Variants in RIC8B observed in about 807,000 individuals in gnomAD.
The protein encoded by RIC8B is RIC8 guanine nucleotide exchange factor B.
In RIC8B, 16 loss-of-function variants were observed where a neutral mutation model predicts 57.5. The observed-to-expected ratio is 0.28, with a 90% CI of 0.19 to 0.42. The LOEUF (loss-of-function observed/expected upper bound fraction) is 0.42. Ranked by LOEUF, RIC8B falls within the 10% of genes least tolerant of loss-of-function variation. The pLI is 1.00. For synonymous variants in RIC8B, 216 were observed against 250.8 expected, an observed-to-expected ratio of 0.86 and a Z score of 1.31; for missense variants, 481 against 677.0, an observed-to-expected ratio of 0.71 and a Z score of 3.21.
At chr12:106,781,402 A>G (rs1254904494) in intron 1 of RIC8B, among the ~76,000 whole-genome samples, 1 of 152,190 alleles carries the variant, frequency 6.6e-6, no homozygotes, top group Non-Finnish European at 1.5e-5. Flanking sequence ...AGCCTTAGAA[A>G]GGGGAGAGAA....
At position 106,815,298 on chromosome 12, in the gene RIC8B, T is replaced by C. The variant is rs774689830; in HGVS notation, c.735T>C (p.His245=). Residue 245 remains histidine (H), a synonymous_variant, in exon 3 of 10, where the codon CAT becomes CAC. Transcript: ENST00000392837. Reference sequence around the variant, plus strand: ...TGACGGTAGACAGTTGGAAGGTGCATAAAGAGGTAAGGTAGAGAAGGCTAT... The same window carrying C: ...TGACGGTAGACAGTTGGAAGGTGCACAAAGAGGTAAGGTAGAGAAGGCTAT... The part of the protein sequence containing the change: ...FNVTVDSWKV[H]KESDSHQFRV... 1.2e-6 allele frequency: 2 copies of C among 1,609,086 alleles called. No individual in the cohort carries two copies. Among genetic ancestry groups the C allele is most frequent in the East Asian group, 4.5e-5 (2 of 44,838 alleles).
At chr12:106,798,990 G>A (rs2044611100) in intron 2 of RIC8B, among the ~76,000 whole-genome samples, 3 of 152,098 alleles carry the variant, frequency 2.0e-5, no homozygotes, top group African/African-American at 7.2e-5. Flanking sequence ...TAGACATCTT[G>A]TCACTAAGTT....
chr12:106,834,872 T>A (rs1593252407), intron 4 of RIC8B, among the ~76,000 whole-genome samples: 1 of 148,016 alleles, frequency 6.8e-6, no homozygotes, highest in Non-Finnish European at 1.5e-5. Context: ...TAGTCCCAGG[T>A]ACTTGGGAGG....
chr12:106,884,830 C>G (rs1362197250), intron 9 of RIC8B, among the ~76,000 whole-genome samples: 1 of 152,178 alleles, frequency 6.6e-6, no homozygotes, highest in Non-Finnish European at 1.5e-5. Flanking sequence ...GGAGGGAGCC[C>G]TTCTTTCTGT....
intron 1 of RIC8B, among the ~76,000 whole-genome samples, chr12:106,775,980 C>T (rs1004334877): frequency 1.3e-5 from 2 of 152,172 alleles, no homozygotes; most frequent in African/African-American, 2.4e-5. Context: ...CTTTTCCACC[C>T]GGGGCAGAAA....
chr12:106,819,720 G>T (rs2045751885), intron 3 of RIC8B, among the ~76,000 whole-genome samples: 1 of 147,848 alleles, frequency 6.8e-6, no homozygotes, highest in South Asian at 2.1e-4. Context: ...TTCCCGCCTG[G>T]GTAACAGCGT....
chr12:106,813,807 C>G (rs2045449989), intron 2 of RIC8B, among the ~76,000 whole-genome samples: 1 of 152,116 alleles, frequency 6.6e-6, no homozygotes, highest in Admixed American at 6.5e-5. Context: ...AGTAGTTATA[C>G]CTGCTTGCCT....
intron 3 of RIC8B, chr12:106,823,268 T>C (rs1016596105): frequency 7.2e-6 from 2 of 277,396 alleles, no homozygotes; most frequent in Admixed American, 4.4e-5. Context: ...GAAGATACTT[T>C]AGCTGAAACC....
intron 6 of RIC8B, among the ~76,000 whole-genome samples, chr12:106,847,432 C>A (rs1428801478): frequency 6.6e-6 from 1 of 152,116 alleles, no homozygotes; most frequent in Non-Finnish European, 1.5e-5. Flanking sequence ...ATGTTTCATT[C>A]TTCTAGAAAT....
intron 2 of RIC8B, among the ~76,000 whole-genome samples, chr12:106,795,419 T>A (rs931146804): frequency 6.6e-6 from 1 of 152,136 alleles, no homozygotes; most frequent in Non-Finnish European, 1.5e-5. Flanking sequence ...GAGAGGGGAC[T>A]TCTGAGAGGA....
intron 7 of RIC8B, among the ~76,000 whole-genome samples, chr12:106,853,446 TTATA>T (rs984389541): frequency 5.5e-5 from 8 of 145,028 alleles, no homozygotes; most frequent in Non-Finnish European, 1.2e-4. Flanking sequence ...CAATTCTGCT[TTATA>T]GTCTTTTTTT....
intron 2 of RIC8B, among the ~76,000 whole-genome samples, chr12:106,785,654 T>G (rs2043969095): frequency 6.6e-6 from 1 of 152,122 alleles, no homozygotes; most frequent in African/African-American, 2.4e-5. Context: ...CTAGAATACC[T>G]TTTTAGAACA....
Position 106,868,559 on chromosome 12 carries a change from T to C in RIC8B, c.1452-2264T>C, listed in dbSNP as rs149869608. ...AGCAAATAATGGATGGGTGGTGGAA[T>C]TGTATTTTCAGTGTGGCATCTGGAT... On this transcript the variant is annotated intron_variant, in intron 8 of 9. Transcript: ENST00000392837. 2.7e-4 allele frequency: 77 copies of C among 281,562 alleles called. 1 individual carries two copies. The highest frequency in any genetic ancestry group is 1.6e-3 in the African/African-American group (75 of 45,580). The allele number at this position is 281,562 out of a possible 1,614,324, so 17.4% of individuals were successfully genotyped here. A position where few individuals can be genotyped will look rare whatever the true frequency, so the allele number is the denominator to read the frequency against.
chr12:106,844,644 G>A (rs1340176920), intron 6 of RIC8B, among the ~76,000 whole-genome samples: 1 of 152,146 alleles, frequency 6.6e-6, no homozygotes, highest in Non-Finnish European at 1.5e-5. Flanking sequence ...AGATATCCTG[G>A]CTACTATTTG....
In RIC8B at chr12:106,783,992, C is replaced by T. The variant is rs2043885059; in HGVS notation, c.85-5C>T. The T allele has an allele frequency of 1.2e-6, 2 of 1,611,908 alleles. No individual in the cohort carries two copies. Among genetic ancestry groups the T allele is most frequent in the Non-Finnish European group, 1.7e-6 (2 of 1,179,082 alleles). On this transcript the variant is annotated splice_region_variant and splice_polypyrimidine_tract_variant and intron_variant, in intron 1 of 9. Transcript: ENST00000392837. ...ATGACATTGTTTCCCTTTTTTCCCC[C>T]TCAGCATAGGGCTACTTTCAAATTT...
At position 106,814,786 on chromosome 12, in the gene RIC8B, A is replaced by G; in HGVS notation, c.223A>G (p.Arg75Gly). ...SCLEVLRILS[R>G]DKKVLVPVTT... ...CCTGGAAGTACTCCGCATTCTCTCC[A>G]GAGACAAAAAGGTTTTAGTTCCTGT... is the stretch of plus-strand genomic sequence containing the variant. Residue 75 changes from arginine (R) to glycine (G), a missense_variant, in exon 3 of 10, where the codon AGA becomes GGA. Around this residue, in one of 3 missense-constraint regions of RIC8B, gnomAD observed 421 missense variants for 560.9 expected, o/e 0.75. Transcript: ENST00000392837. The G allele has an allele frequency of 6.2e-7, 1 of 1,614,246 alleles. No homozygotes were observed. The highest frequency in any genetic ancestry group is 8.5e-7 in the Non-Finnish European group (1 of 1,180,024).
chr12:106,821,682 C>T (rs1409952059), intron 3 of RIC8B, among the ~76,000 whole-genome samples: 1 of 152,052 alleles, frequency 6.6e-6, no homozygotes, highest in Non-Finnish European at 1.5e-5. Flanking sequence ...AGCAAAAAGA[C>T]AAGACACCAG....
intron 2 of RIC8B, among the ~76,000 whole-genome samples, chr12:106,810,154 T>G (rs2136268505): frequency 1.4e-5 from 2 of 138,266 alleles, no homozygotes; most frequent in Non-Finnish European, 3.2e-5. Flanking sequence ...GGATGTTATT[T>G]CCTTTTTTTT....
In RIC8B at chr12:106,825,693, C is replaced by T. The variant is rs556275371; in HGVS notation, c.742-33C>T. The stretch of plus-strand genomic sequence containing the variant: ...GACCCCACTGTTCAGGCATTCAACC[C>T]CCAATGTTTCCTCTCTTTTTTATTT... On this transcript the variant is annotated intron_variant, in intron 3 of 9. Transcript: ENST00000392837. The T allele has an allele frequency of 5.8e-6, 9 of 1,547,634 alleles. No homozygotes were observed. The East Asian group carries it at 2.0e-4, about 35-fold the overall frequency.
Sources: gnomAD v4.1 joint callset for allele counts (sites outside exome capture counted in the v4.1 genomes callset) on GRCh38, gnomAD v4.1.1 for gene constraint, gnomAD v4.1.1 regional missense constraint, MANE v1.5 for transcripts, NCBI Gene and HGNC (gene_info 2026-07-23, HGNC 2026-07-21) for gene names.